The following DLG2 variants were observed in gnomAD, a reference collection of about 807,000 sequenced individuals.
The protein encoded by DLG2 is discs large MAGUK scaffold protein 2.
A neutral mutation model predicts 132.5 loss-of-function variants in DLG2; 45 were observed. That is an observed-to-expected ratio of 0.34 (90% CI 0.27 to 0.44). The LOEUF (loss-of-function observed/expected upper bound fraction) is 0.44, where lower values mean the gene tolerates loss of function less well. Ranked by LOEUF, DLG2 falls within the 20% of genes least tolerant of loss-of-function variation. DLG2 has a pLI of 1.00. For synonymous variants in DLG2, 424 were observed against 419.6 expected, an observed-to-expected ratio of 1.01 and a Z score of -0.13; for missense variants, 1,045 against 1,196.9, an observed-to-expected ratio of 0.87 and a Z score of 1.87.
intron 3 of DLG2, among the ~76,000 whole-genome samples, chr11:85,597,656 T>C (rs903486571): frequency 8.6e-5 from 13 of 151,708 alleles, no homozygotes; most frequent in Non-Finnish European, 1.5e-4. Context: ...ATTCAAACTA[T>C]AAAGTTGGAG....
chr11:84,807,341 G>T (rs948720107), intron 6 of DLG2, among the ~76,000 whole-genome samples: 1 of 152,112 alleles, frequency 6.6e-6, no homozygotes, highest in Non-Finnish European at 1.5e-5. Context: ...AGCTACTCAG[G>T]AGACTGAGGC....
intron 6 of DLG2, among the ~76,000 whole-genome samples, chr11:84,802,126 A>G (rs373714772): frequency 4.0e-5 from 6 of 151,252 alleles, no homozygotes; most frequent in South Asian, 2.1e-4. Flanking sequence ...AAAAAAAAGC[A>G]TGAGCTTTGG....
intron 8 of DLG2, among the ~76,000 whole-genome samples, chr11:84,233,791 G>A (rs2097125280): frequency 6.6e-6 from 1 of 152,104 alleles, no homozygotes; most frequent in Admixed American, 6.6e-5. Context: ...TCTTTCTTTC[G>A]CCTATTAAAC....
At chr11:85,358,127 A>G (rs2083881695) in intron 3 of DLG2, among the ~76,000 whole-genome samples, 1 of 152,114 alleles carries the variant, frequency 6.6e-6, no homozygotes, top group African/African-American at 2.4e-5. Flanking sequence ...GAGAAGAAGG[A>G]AAAAAATGAC....
At chr11:84,562,918 A>G (rs1462775167) in intron 6 of DLG2, among the ~76,000 whole-genome samples, 1 of 151,984 alleles carries the variant, frequency 6.6e-6, no homozygotes. Context: ...GTACCTGGCT[A>G]ATTTTTTATT....
At chr11:83,988,676 A>G (rs919829416) in intron 11 of DLG2, among the ~76,000 whole-genome samples, 1 of 152,132 alleles carries the variant, frequency 6.6e-6, no homozygotes, top group Admixed American at 6.6e-5. Flanking sequence ...GTACTCCGAC[A>G]TAGTCATAGA....
chr11:84,159,941 A>C (rs1362498672), intron 9 of DLG2, among the ~76,000 whole-genome samples: 1 of 152,188 alleles, frequency 6.6e-6, no homozygotes, highest in Non-Finnish European at 1.5e-5. Context: ...TTTCTGGCAT[A>C]AATAATATGG....
chr11:84,540,423 C>A (rs1335805413), intron 6 of DLG2, among the ~76,000 whole-genome samples: 1 of 151,776 alleles, frequency 6.6e-6, no homozygotes, highest in Non-Finnish European at 1.5e-5. Flanking sequence ...ATTTATGCAG[C>A]CAACAGACAC....
intron 7 of DLG2, among the ~76,000 whole-genome samples, chr11:84,411,386 C>T (rs2098902245): frequency 6.6e-6 from 1 of 152,192 alleles, no homozygotes; most frequent in Non-Finnish European, 1.5e-5. Context: ...TGCCTTCCTA[C>T]TTCTGGTTAC....
chr11:84,048,891 GA>G (rs1388947213), intron 11 of DLG2, among the ~76,000 whole-genome samples: 3 of 151,386 alleles, frequency 2.0e-5, no homozygotes, highest in Non-Finnish European at 4.4e-5. Flanking sequence ...ACAGATCAGG[GA>G]AAAAAGAAGA....
intron 3 of DLG2, among the ~76,000 whole-genome samples, chr11:85,538,286 A>T (rs1423452246): frequency 2.0e-5 from 3 of 151,900 alleles, no homozygotes. Context: ...TCTATGTAAG[A>T]GCTGGCCATA....
At chr11:84,551,336 C>T (rs1227084437) in intron 6 of DLG2, among the ~76,000 whole-genome samples, 2 of 152,064 alleles carry the variant, frequency 1.3e-5, no homozygotes, top group African/African-American at 2.4e-5. Flanking sequence ...TAATATGCAA[C>T]TTAATGTGCA....
At chr11:83,807,923 CTCTTA>C (rs1185613230) in intron 17 of DLG2, among the ~76,000 whole-genome samples, 1 of 152,136 alleles carries the variant, frequency 6.6e-6, no homozygotes, top group Admixed American at 6.5e-5. Context: ...CTTCCCTCTT[CTCTTA>C]TAATACCTGC....
intron 16 of DLG2, among the ~76,000 whole-genome samples, chr11:83,841,711 A>C (rs1463784193): frequency 1.3e-5 from 2 of 152,210 alleles, no homozygotes; most frequent in African/African-American, 4.8e-5. Context: ...AATGTATAGA[A>C]GACATAATTT....
chr11:84,721,928 C>G (rs905549227), intron 6 of DLG2, among the ~76,000 whole-genome samples: 1 of 152,232 alleles, frequency 6.6e-6, no homozygotes, highest in Non-Finnish European at 1.5e-5. Flanking sequence ...CTGCTCTTAA[C>G]TTACATAGCT....
intron 5 of DLG2, among the ~76,000 whole-genome samples, chr11:85,120,066 C>T (rs1363969858): frequency 2.0e-5 from 3 of 152,000 alleles, no homozygotes; most frequent in Non-Finnish European, 2.9e-5. Flanking sequence ...CTGAAAAGTA[C>T]ACATGGAATG....
chr11:84,493,565 C>T (rs1044622183), intron 7 of DLG2, among the ~76,000 whole-genome samples: 15 of 152,034 alleles, frequency 9.9e-5, no homozygotes, highest in Admixed American at 1.3e-4. Flanking sequence ...AGAAAAATGA[C>T]CCCTCAAGGT....
At chr11:83,674,184 G>A (rs2077303389) in intron 18 of DLG2, among the ~76,000 whole-genome samples, 1 of 152,324 alleles carries the variant, frequency 6.6e-6, no homozygotes, top group African/African-American at 2.4e-5. Flanking sequence ...GAGAGTCCTA[G>A]GGAAGGGATT....
At chr11:84,406,047 T>C (rs1381216195) in intron 7 of DLG2, among the ~76,000 whole-genome samples, 1 of 152,148 alleles carries the variant, frequency 6.6e-6, no homozygotes, top group Non-Finnish European at 1.5e-5. Flanking sequence ...TCTTCCCTTC[T>C]TTTCTGCCAA....
Sources: allele counts gnomAD v4.1 joint callset (sites outside exome capture counted in the v4.1 genomes callset), GRCh38; gene constraint gnomAD v4.1.1; transcripts MANE v1.5; gene names NCBI Gene and HGNC (gene_info 2026-07-23, HGNC 2026-07-21).